Variants in TEK observed in about 807,000 individuals in gnomAD.
TEK encodes the protein angiopoietin-1 receptor.
In TEK, 43 loss-of-function variants were observed where a neutral mutation model predicts 131.8. The observed-to-expected ratio is 0.33, with a 90% CI of 0.26 to 0.42. TEK has a LOEUF of 0.42. Among genes scored for constraint, TEK ranks in the 10% least tolerant of loss-of-function variants. The pLI is 1.00. For synonymous variants in TEK, 580 were observed against 491.6 expected (o/e 1.18, Z -2.38); for missense variants, 1,162 against 1,384.4 (o/e 0.84, Z 2.55).
At chr9:27,155,290 G>A (rs2131114210) in intron 1 of TEK, among the ~76,000 whole-genome samples, 1 of 152,268 alleles carries the variant, frequency 6.6e-6, no homozygotes, top group South Asian at 2.1e-4. Flanking sequence ...CTCTTTCAAT[G>A]TTTTTACTAT....
At chr9:27,211,465 GATAGATA>G in intron 16 of TEK, among the ~76,000 whole-genome samples, 1 of 93,664 alleles carries the variant, frequency 1.1e-5, no homozygotes, top group African/African-American at 4.2e-5. Flanking sequence ...GAGATAGATA[GATAGATA>G]GATAGGGTCT....
Position 27,163,574 on chromosome 9 carries a change from CT to C in TEK, c.365-4920del, listed in dbSNP as rs570452782. 1.4e-4 allele frequency among the ~76,000 whole-genome samples: 22 copies of C among 152,244 alleles called. No homozygotes were observed. In the East Asian group the frequency reaches 4.1e-3, roughly 28 times the overall value. On this transcript the variant is annotated intron_variant, in intron 2 of 22. Coordinates refer to ENST00000380036, the MANE Select transcript of TEK (RefSeq NM_000459.5). ...AGGAACTGAATACAGTTCAAAGTGG[CT>C]GGAATTGAGAGCTAAGGATGTGGAC...
chr9:27,154,973 T>A (rs1287695317), intron 1 of TEK, among the ~76,000 whole-genome samples: 1 of 152,252 alleles, frequency 6.6e-6, no homozygotes, highest in Admixed American at 6.5e-5. Context: ...CATTTTGTAT[T>A]ATTTCCTAAA....
chr9:27,120,001 C>G (rs986034853), intron 1 of TEK, among the ~76,000 whole-genome samples: 3 of 152,178 alleles, frequency 2.0e-5, no homozygotes, highest in Non-Finnish European at 2.9e-5. Context: ...AGTCTCCATT[C>G]TACTTTGTGT....
intron 6 of TEK, among the ~76,000 whole-genome samples, chr9:27,175,750 A>AT (rs1454076988): frequency 4.6e-5 from 7 of 151,988 alleles, no homozygotes; most frequent in African/African-American, 1.7e-4. Flanking sequence ...GATGATGAGC[A>AT]TTTTTTCATG....
intron 1 of TEK, among the ~76,000 whole-genome samples, chr9:27,146,760 T>C (rs9886875): frequency 0.047 from 6,911 of 147,142 alleles, 633 homozygotes; most frequent in African/African-American, 0.17. Context: ...GACGGAGTCT[T>C]GCTCTGTCTC....
chr9:27,220,116 G>A lies in TEK; in HGVS notation c.3171G>A (p.Leu1057=). 3 of 1,613,996 alleles carry A rather than the reference G, an allele frequency of 1.9e-6. No homozygotes were observed. Among genetic ancestry groups the A allele is most frequent in the Non-Finnish European group, 2.5e-6 (3 of 1,179,982 alleles). ...AGAAGCTGCCCCAGGGCTACAGACTGGAGAAGCCCCTGAACTGTGATGATG... is the reference window on the plus strand; with the variant it reads ...AGAAGCTGCCCCAGGGCTACAGACTAGAGAAGCCCCTGAACTGTGATGATG... The part of the protein sequence containing the change: ...LYEKLPQGYR[L]EKPLNCDDEV... The change falls in exon 21 of 23, where the codon CTG becomes CTA. Residue 1057 remains leucine (L), a synonymous_variant. Coordinates refer to ENST00000380036, the MANE Select transcript of TEK (RefSeq NM_000459.5).
chr9:27,130,034 T>A (rs74734656), intron 1 of TEK, among the ~76,000 whole-genome samples: 2,068 of 152,332 alleles, frequency 0.014, 19 homozygotes, highest in Non-Finnish European at 0.024. Context: ...CCTAAAGATA[T>A]TGGTTTTGAA....
chr9:27,128,773 CTGTT>C (rs199760455), intron 1 of TEK, among the ~76,000 whole-genome samples: 8,088 of 152,128 alleles, frequency 0.053, 298 homozygotes, highest in South Asian at 0.2. Context: ...ATTTGGCTGT[CTGTT>C]TGTCTGCTAT....
At chr9:27,129,540 C>T (rs766109178) in intron 1 of TEK, among the ~76,000 whole-genome samples, 1 of 152,176 alleles carries the variant, frequency 6.6e-6, no homozygotes, top group East Asian at 1.9e-4. Context: ...AAGCCCATCT[C>T]CTCTGGAAAT....
chr9:27,157,371 C>T (rs931433198), intron 1 of TEK, among the ~76,000 whole-genome samples: 1 of 152,102 alleles, frequency 6.6e-6, no homozygotes, highest in Non-Finnish European at 1.5e-5. Flanking sequence ...TTGTGCAATT[C>T]TTTAAAAATG....
intron 1 of TEK, among the ~76,000 whole-genome samples, chr9:27,141,789 C>T (rs1822734541): frequency 6.6e-6 from 1 of 152,178 alleles, no homozygotes; most frequent in African/African-American, 2.4e-5. Flanking sequence ...TTACATGATG[C>T]TGTTAATTAA....
At chr9:27,201,696 G>A (rs990032009) in intron 12 of TEK, among the ~76,000 whole-genome samples, 4 of 152,086 alleles carry the variant, frequency 2.6e-5, no homozygotes, top group African/African-American at 9.7e-5. Flanking sequence ...ATGAAAAGAA[G>A]AAATTTAAAA....
chr9:27,126,129 C>T (rs2131051428), intron 1 of TEK, among the ~76,000 whole-genome samples: 1 of 152,268 alleles, frequency 6.6e-6, no homozygotes, highest in South Asian at 2.1e-4. Context: ...TAATACATAA[C>T]CCTGCTTTAT....
At chr9:27,194,150 A>C (rs1477603671) in intron 11 of TEK, among the ~76,000 whole-genome samples, 1 of 152,152 alleles carries the variant, frequency 6.6e-6, no homozygotes, top group Non-Finnish European at 1.5e-5. Context: ...ATTTCTACCT[A>C]GAATCCCAAA....
rs968113722 is a variant in TEK, at chr9:27,198,915, A to G, written c.1909+1316A>G. Among the ~76,000 whole-genome samples the G allele has an allele frequency of 2.4e-4, 37 of 152,022 alleles. 1 individual carries two copies. The highest frequency in any genetic ancestry group is 6.5e-5 in the Admixed American group (1 of 15,272). ...TGGGCCCAAGCAATCCTCCCACCTC[A>G]GCCTCCTGAGTAGCTGGGACCACAG... On this transcript the variant is annotated intron_variant, in intron 12 of 22. Transcript: ENST00000380036.
At chr9:27,112,583 CTA>C (rs1821389057) in intron 1 of TEK, among the ~76,000 whole-genome samples, 1 of 152,188 alleles carries the variant, frequency 6.6e-6, no homozygotes, top group African/African-American at 2.4e-5. Context: ...TCTCAAAAGA[CTA>C]TGTGATGTTC....
chr9:27,151,290 G>A (rs1300677759), intron 1 of TEK, among the ~76,000 whole-genome samples: 4 of 152,048 alleles, frequency 2.6e-5, no homozygotes, highest in African/African-American at 9.7e-5. Context: ...GAGACAAGAA[G>A]GCAGAAAAGA....
intron 10 of TEK, chr9:27,191,950 T>C (rs1213560760): frequency 2.2e-6 from 1 of 455,682 alleles, no homozygotes; most frequent in Non-Finnish European, 4.4e-6. Flanking sequence ...AAACAGAGGC[T>C]GACTAAAGCA....
Sources: allele counts gnomAD v4.1 joint callset (sites outside exome capture counted in the v4.1 genomes callset), GRCh38; gene constraint gnomAD v4.1.1; transcripts MANE v1.5; gene names NCBI Gene and HGNC (gene_info 2026-07-23, HGNC 2026-07-21).